The following PDE10A variants were observed in gnomAD, a reference collection of about 807,000 sequenced individuals.
PDE10A encodes the protein phosphodiesterase 10A.
A neutral mutation model predicts 97.7 loss-of-function variants in PDE10A; 39 were observed. That is an observed-to-expected ratio of 0.40 (90% CI 0.31 to 0.52). The LOEUF (loss-of-function observed/expected upper bound fraction) is 0.52. Ranked by LOEUF, PDE10A falls within the 20% of genes least tolerant of loss-of-function variation. The pLI is 0.56. For missense variants in PDE10A, 731 were observed against 1,047.8 expected (o/e 0.70, Z 4.17); for synonymous variants, 371 against 376.8 (o/e 0.98, Z 0.18).
chr6:165,950,705 AC>A (rs1783926881), intron 1 of PDE10A, among the ~76,000 whole-genome samples: 1 of 152,014 alleles, frequency 6.6e-6, no homozygotes, highest in African/African-American at 2.4e-5. Flanking sequence ...GATGAGGAGG[AC>A]CAATTTAAGT....
rs770139828 is a variant in PDE10A at position 165,482,287 on chromosome 6, T to G, written c.1023+28A>C. The G allele has an allele frequency of 7.9e-6, 11 of 1,398,370 alleles. No homozygotes were observed. In the Admixed American group the frequency reaches 1.0e-4, roughly 13 times the overall value. 86.6% of individuals were successfully genotyped at this position (1,398,370 alleles called of 1,614,324 possible). A position where few individuals can be genotyped will look rare whatever the true frequency, so the allele number is the denominator to read the frequency against. On this transcript the variant is annotated intron_variant, in intron 3 of 21. Transcript: ENST00000539869. ...AACAGATTCATTTCCTATACTGCAG[T>G]AGTAGAAATAATATTCACATCACTT... is the stretch of plus-strand genomic sequence containing the variant.
In PDE10A at chr6:165,920,608, T is replaced by C. The variant is rs901224744; in HGVS notation, c.-615+66921A>G. ...CTTACTATACATTTCAGGACAAATA[T>C]AAAAGTCAGCAATGAGCCATACTTA... On this transcript the variant is annotated intron_variant, in intron 1 of 19. Transcript: ENST00000366882. Among the ~76,000 whole-genome samples, 23 of 152,026 alleles carry C rather than the reference T, an allele frequency of 1.5e-4. 1 individual carries two copies. Among genetic ancestry groups the C allele is most frequent in the Admixed American group, 1.4e-3 (21 of 15,250 alleles).
chr6:165,871,958 T>C (rs747861153), intron 1 of PDE10A, among the ~76,000 whole-genome samples: 67 of 152,236 alleles, frequency 4.4e-4, no homozygotes, highest in Non-Finnish European at 8.4e-4. Context: ...AGCTTTTCAC[T>C]GGAGACCAAT....
chr6:165,516,693 T>A (rs1372658316), intron 2 of PDE10A, among the ~76,000 whole-genome samples: 1 of 152,148 alleles, frequency 6.6e-6, no homozygotes, highest in Non-Finnish European at 1.5e-5. Flanking sequence ...TATGAATAGG[T>A]CACTTGTTTT....
intron 18 of PDE10A, among the ~76,000 whole-genome samples, chr6:165,349,566 A>G (rs566176131): frequency 6.6e-6 from 1 of 152,306 alleles, no homozygotes; most frequent in South Asian, 2.1e-4. Flanking sequence ...TCTGGGGAGA[A>G]ATTCAAGCCA....
In PDE10A at chr6:165,699,576, A is replaced by C. The variant is rs775408017; in HGVS notation, c.-614-156008T>G. 1.6e-4 allele frequency among the ~76,000 whole-genome samples: 25 copies of C among 152,196 alleles called. 1 individual carries two copies. Among genetic ancestry groups the C allele is most frequent in the Non-Finnish European group, 3.4e-4 (23 of 68,026 alleles). On this transcript the variant is annotated intron_variant, in intron 1 of 19. Coordinates refer to the PDE10A transcript ENST00000366882. ...GCACTGGGGACATTCTCCAGGATAG[A>C]CTATATGCTAGGCCATAAAAATAAT... is the stretch of plus-strand genomic sequence containing the variant.
At chr6:165,368,206 G>C (rs1314375737) in intron 18 of PDE10A, among the ~76,000 whole-genome samples, 1 of 152,160 alleles carries the variant, frequency 6.6e-6, no homozygotes, top group Non-Finnish European at 1.5e-5. Flanking sequence ...ATGTTGGCTA[G>C]GCTGGCCTTG....
At chr6:165,658,121 A>G (rs1040723268) in intron 1 of PDE10A, among the ~76,000 whole-genome samples, 1 of 152,202 alleles carries the variant, frequency 6.6e-6, no homozygotes, top group African/African-American at 2.4e-5. Flanking sequence ...TGAGCCCACA[A>G]ACAGAAGTTA....
chr6:165,818,920 T>C (rs1779491929), intron 1 of PDE10A, among the ~76,000 whole-genome samples: 1 of 152,242 alleles, frequency 6.6e-6, no homozygotes, highest in African/African-American at 2.4e-5. Flanking sequence ...TCTTAACTCT[T>C]TAGAAATGAT....
chr6:165,419,185 A>G (rs1046156909), intron 10 of PDE10A, among the ~76,000 whole-genome samples: 3 of 152,204 alleles, frequency 2.0e-5, no homozygotes, highest in African/African-American at 7.2e-5. Context: ...AGCCTCTGTC[A>G]GCACTACGAC....
At chr6:165,595,857 T>C (rs528835930) in intron 1 of PDE10A, among the ~76,000 whole-genome samples, 30 of 152,190 alleles carry the variant, frequency 2.0e-4, no homozygotes, top group African/African-American at 6.0e-4. Context: ...TTCTCAGGGG[T>C]ACAGCCCTCA....
intron 1 of PDE10A, among the ~76,000 whole-genome samples, chr6:165,558,060 T>C (rs1784347185): frequency 6.6e-6 from 1 of 152,114 alleles, no homozygotes; most frequent in Non-Finnish European, 1.5e-5. Flanking sequence ...GCCTCAAGGA[T>C]CTAGAACTAG....
chr6:165,771,402 C>A (rs1414115181), intron 1 of PDE10A, among the ~76,000 whole-genome samples: 2 of 151,990 alleles, frequency 1.3e-5, no homozygotes, highest in Admixed American at 1.3e-4. Context: ...ATGAGCCCTA[C>A]AGACGTTTGC....
Position 165,623,280 on chromosome 6 carries a change from C to T in PDE10A, c.865+38667G>A, listed in dbSNP as rs549063614. On this transcript the variant is annotated intron_variant, in intron 1 of 21. Coordinates refer to ENST00000539869, the MANE Select transcript of PDE10A (RefSeq NM_001385079.1). Reference sequence around the variant, plus strand: ...AGCTGGGATTACAGGCACCGGCCACCATGCCCGGCTGATTTTTAGTAGAGA... The same window carrying T: ...AGCTGGGATTACAGGCACCGGCCACTATGCCCGGCTGATTTTTAGTAGAGA... Among the ~76,000 whole-genome samples, 4 of 152,282 alleles carry T rather than the reference C, an allele frequency of 2.6e-5. No homozygotes were observed. In the South Asian group the frequency reaches 8.3e-4, roughly 32 times the overall value.
intron 1 of PDE10A, among the ~76,000 whole-genome samples, chr6:165,859,373 G>C (rs1443961396): frequency 6.6e-6 from 1 of 152,200 alleles, no homozygotes; most frequent in Non-Finnish European, 1.5e-5. Flanking sequence ...TAACATACAT[G>C]ATCCATCACC....
At chr6:165,446,396 C>T (rs1023703416) in intron 5 of PDE10A, among the ~76,000 whole-genome samples, 2 of 152,150 alleles carry the variant, frequency 1.3e-5, no homozygotes, top group Non-Finnish European at 1.5e-5. Flanking sequence ...TAAAAAAACA[C>T]TTGAGTGAAC....
At chr6:165,869,102 C>G (rs965953359) in intron 1 of PDE10A, among the ~76,000 whole-genome samples, 2 of 151,918 alleles carry the variant, frequency 1.3e-5, no homozygotes, top group Non-Finnish European at 2.9e-5. Flanking sequence ...CTAGCCATAG[C>G]AATCAGGTAA....
chr6:165,807,462 AC>A (rs1779170402), intron 1 of PDE10A, among the ~76,000 whole-genome samples: 1 of 152,038 alleles, frequency 6.6e-6, no homozygotes, highest in African/African-American at 2.4e-5. Context: ...CAGGATTACA[AC>A]CCGAGCTCCC....
intron 1 of PDE10A, among the ~76,000 whole-genome samples, chr6:165,710,949 G>A (rs531539667): frequency 2.0e-5 from 3 of 152,352 alleles, no homozygotes; most frequent in South Asian, 4.1e-4. Context: ...GCTAAGAGCC[G>A]TAAGAGAATG....
Sources: allele counts gnomAD v4.1 joint callset (sites outside exome capture counted in the v4.1 genomes callset), GRCh38; gene constraint gnomAD v4.1.1; transcripts MANE v1.5; gene names NCBI Gene and HGNC (gene_info 2026-07-23, HGNC 2026-07-21).